Variants in NT5DC3 observed in about 807,000 individuals in gnomAD.
NT5DC3 encodes 5'-nucleotidase domain-containing protein 3.
A neutral mutation model predicts 67.8 loss-of-function variants in NT5DC3; 42 were observed. That is an observed-to-expected ratio of 0.62 (90% confidence interval 0.48 to 0.80). The LOEUF (loss-of-function observed/expected upper bound fraction) is 0.80. NT5DC3 is among the 30% of genes least tolerant of loss of function. The probability of loss-of-function intolerance (pLI) is 0.00; values close to 1 mark genes in which losing one functional copy is unlikely to be tolerated. For synonymous variants in NT5DC3, 237 were observed against 255.6 expected (o/e 0.93, Z 0.69); for missense variants, 570 against 696.4 (o/e 0.82, Z 2.04).
Position 103,801,372 on chromosome 12 carries a change from C to CTTT in NT5DC3, c.525-2698_525-2696dup, listed in dbSNP as rs869237844. Among the ~76,000 whole-genome samples, 389 of 78,948 alleles carry CTTT rather than the reference C, an allele frequency of 4.9e-3. 33 individuals are homozygous for CTTT. Among genetic ancestry groups the CTTT allele is most frequent in the African/African-American group, 0.02 (362 of 18,422 alleles). The allele number at this position is 78,948 out of a possible 152,430, so 51.8% of individuals were successfully genotyped here. A position where few individuals can be genotyped will look rare whatever the true frequency, so the allele number is the denominator to read the frequency against. On this transcript the variant is annotated intron_variant, in intron 4 of 13. Coordinates refer to ENST00000392876, the MANE Select transcript of NT5DC3 (RefSeq NM_001031701.3). ...TCCTAATGACTTGCTTTGGGGTGGG[C>CTTT]TTTTTTTTTTTTTTTTTTTTTTTTT...
intron 1 of NT5DC3, among the ~76,000 whole-genome samples, chr12:103,837,057 G>T (rs1888181081): frequency 6.6e-6 from 1 of 152,202 alleles, no homozygotes; most frequent in Non-Finnish European, 1.5e-5. Flanking sequence ...CGGGCATCCA[G>T]GTGTTTCCAT....
chr12:103,765,086 C>CAAAAA, the NT5DC3 span, among the ~76,000 whole-genome samples: 1 of 66,516 alleles, frequency 1.5e-5, no homozygotes, highest in African/African-American at 6.7e-5. Flanking sequence ...GACTCTGTCT[C>CAAAAA]AAAAAAAAAA....
At position 103,777,981 on chromosome 12, in the gene NT5DC3, T is replaced by C. The variant is rs1885399542; in HGVS notation, c.1495A>G (p.Ile499Val). The C allele has an allele frequency of 6.2e-7, 1 of 1,614,096 alleles. No homozygotes were observed. Among genetic ancestry groups the C allele is most frequent in the Admixed American group, 1.7e-5 (1 of 60,002 alleles). ...AGGCAGCTCAGAGACGCCATGTAGA[T>C]GTCAGCGAAGCGCGACAGGCGCCTT... is the stretch of plus-strand genomic sequence containing the variant. ...FLRRLSRFAD[I>V]YMASLSCLLN... Residue 499 changes from isoleucine (I) to valine (V), a missense_variant, in exon 14 of 14, where the codon ATC becomes GTC. Around this residue, in one of 2 missense-constraint regions of NT5DC3, gnomAD observed 466 missense variants for 608.0 expected, o/e 0.77. Transcript: ENST00000392876.
At chr12:103,805,723 G>A (rs1267955963) in intron 4 of NT5DC3, among the ~76,000 whole-genome samples, 3 of 151,826 alleles carry the variant, frequency 2.0e-5, no homozygotes, top group Non-Finnish European at 4.4e-5. Flanking sequence ...GCATGTGCCT[G>A]TAGTCCCAGC....
intron 1 of NT5DC3, among the ~76,000 whole-genome samples, chr12:103,825,912 A>G (rs762247968): frequency 5.3e-5 from 8 of 152,218 alleles, no homozygotes; most frequent in Non-Finnish European, 1.0e-4. Context: ...CTTCTCATTC[A>G]TCACCTCAAT....
chr12:103,815,001 T>TA lies in NT5DC3; in HGVS notation c.328dup (p.Tyr110LeufsTer11). 1 of 1,613,372 alleles carries TA rather than the reference T, an allele frequency of 6.2e-7. No individual in the cohort carries two copies. The highest frequency in any genetic ancestry group is 8.5e-7 in the Non-Finnish European group (1 of 1,179,538). On this transcript the variant is annotated frameshift_variant, in exon 2 of 14. Coordinates refer to ENST00000392876, the MANE Select transcript of NT5DC3 (RefSeq NM_001031701.3). LOFTEE classifies it high-confidence loss of function. The stretch of plus-strand genomic sequence containing the variant: ...TATCAGCGTGTGGAGGTGCTTTGAA[T>TA]AAAACACCAAGGTGTAATCATAATC...
In NT5DC3 at chr12:103,788,901, A is replaced by G. The variant is rs1885914212; in HGVS notation, c.1038T>C (p.Asn346=). Residue 346 remains asparagine (N), a synonymous_variant, in exon 10 of 14, where the codon AAT becomes AAC. Transcript: ENST00000392876. The part of the protein sequence containing the change: ...NDKRRPFRKM[N]EKGVLLWDKI... ...TATCCCAGAGTAAGACACCTTTCTC[A>G]TTCATCTTTCGGAAAGGCCTAACAA... The G allele has an allele frequency of 6.2e-7, 1 of 1,609,592 alleles. No homozygotes were observed.
chr12:103,780,519 T>C (rs1386049116), intron 12 of NT5DC3, among the ~76,000 whole-genome samples, 155 bp from the exon 13 acceptor site: 1 of 152,268 alleles, frequency 6.6e-6, no homozygotes, highest in Non-Finnish European at 1.5e-5. Flanking sequence ...TTTTCAGACC[T>C]TCCAGTTGAA....
rs1866292 is a variant in NT5DC3, at chr12:103,780,414, C to A, written c.1330-50G>T. ...CAACTGTTTTGATTTCAAATAAGCT[C>A]ATTACGTAATGAGAATTTTTTAATG... On this transcript the variant is annotated intron_variant, in intron 12 of 13. Coordinates refer to ENST00000392876, the MANE Select transcript of NT5DC3 (RefSeq NM_001031701.3). The A allele has an allele frequency of 4.6e-5, 71 of 1,552,788 alleles. 1 individual carries two copies. Among genetic ancestry groups the A allele is most frequent in the Non-Finnish European group, 6.0e-5 (67 of 1,124,560 alleles).
chr12:103,751,516 C>T, the NT5DC3 span, among the ~76,000 whole-genome samples: 25 of 152,046 alleles, frequency 1.6e-4, no homozygotes, highest in Non-Finnish European at 2.5e-4. Flanking sequence ...GGGAAGGTGA[C>T]GAGAGGTTTG....
At position 103,815,089 on chromosome 12, in the gene NT5DC3, T is replaced by A. The variant is rs1295148916; in HGVS notation, c.241A>T (p.Asn81Tyr). 13 of 1,613,120 alleles carry A rather than the reference T, an allele frequency of 8.1e-6. No homozygotes were observed. The highest frequency in any genetic ancestry group is 1.1e-5 in the Non-Finnish European group (13 of 1,179,536). ...LVPSIMSNLL[N>Y]PDAIFSNNEM... ...TTGTTTGAGAAAATGGCATCTGGATTCAACAAGTTGCTCATAATGGAAGGA... is the reference window on the plus strand; with the variant it reads ...TTGTTTGAGAAAATGGCATCTGGATACAACAAGTTGCTCATAATGGAAGGA... The change falls in exon 2 of 14, where the codon AAT (asparagine) becomes TAT (tyrosine). Residue 81 changes from asparagine to tyrosine, a missense_variant. Asn to Tyr is a moderately radical substitution (Grantham distance 143, BLOSUM62 -2). Around this residue, in one of 2 missense-constraint regions of NT5DC3, gnomAD observed 466 missense variants for 608.0 expected, o/e 0.77. Coordinates refer to ENST00000392876, the MANE Select transcript of NT5DC3 (RefSeq NM_001031701.3).
At chr12:103,805,695 A>C (rs1213510199) in intron 4 of NT5DC3, among the ~76,000 whole-genome samples, 1 of 151,966 alleles carries the variant, frequency 6.6e-6, no homozygotes, top group Middle Eastern at 3.4e-3. Context: ...AAAATATAAA[A>C]ATTAGCCAGG....
chr12:103,811,916 C>T (rs1036484899), intron 2 of NT5DC3, among the ~76,000 whole-genome samples: 2 of 151,790 alleles, frequency 1.3e-5, no homozygotes, highest in Non-Finnish European at 2.9e-5. Context: ...ACACGGAGTG[C>T]GAGCGGTCAC....
chr12:103,790,267 GTTTAT>G (rs894287761), intron 9 of NT5DC3, among the ~76,000 whole-genome samples: 3 of 151,696 alleles, frequency 2.0e-5, no homozygotes, highest in African/African-American at 4.8e-5. Context: ...GCCATACCTA[GTTTAT>G]TTTATTTTAT....
chr12:103,767,733 A>C (rs1440577188), downstream of NT5DC3, among the ~76,000 whole-genome samples: 1 of 152,004 alleles, frequency 6.6e-6, no homozygotes, highest in African/African-American at 2.4e-5. Flanking sequence ...CCCTTCCTTC[A>C]GAAGGCAAAG....
At chr12:103,755,199 C>T in the NT5DC3 span, 4 of 1,501,122 alleles carry the variant, frequency 2.7e-6, no homozygotes, top group Middle Eastern at 1.8e-4. Context: ...CAAAGTGAGA[C>T]TTTATGGGTT....
At chr12:103,783,123 G>A (rs992631021) in intron 12 of NT5DC3, among the ~76,000 whole-genome samples, 8 of 152,220 alleles carry the variant, frequency 5.3e-5, no homozygotes, top group Non-Finnish European at 1.0e-4. Flanking sequence ...TAATCCCCAA[G>A]GGGGAGTTCT....
chr12:103,809,766 T>C (rs1456853254), intron 2 of NT5DC3, among the ~76,000 whole-genome samples: 2 of 152,140 alleles, frequency 1.3e-5, no homozygotes, highest in Admixed American at 6.5e-5. Context: ...CAATTCAAGA[T>C]GAGATTTGGG....
At chr12:103,826,551 A>G (rs1289513900) in intron 1 of NT5DC3, among the ~76,000 whole-genome samples, 1 of 152,242 alleles carries the variant, frequency 6.6e-6, no homozygotes, top group Non-Finnish European at 1.5e-5. Flanking sequence ...AAGCTTAAGA[A>G]AACTGTCTCC....
Sources: allele counts gnomAD v4.1 joint callset (sites outside exome capture counted in the v4.1 genomes callset), GRCh38; gene constraint gnomAD v4.1.1; regional missense constraint gnomAD v4.1.1; transcripts MANE v1.5; gene names NCBI Gene and HGNC (gene_info 2026-07-23, HGNC 2026-07-21).